Variants in SNTG1 observed in about 807,000 individuals in gnomAD.
SNTG1 encodes syntrophin gamma 1.
In SNTG1, 39 loss-of-function variants were observed where a neutral mutation model predicts 74.7. That is an observed-to-expected ratio of 0.52 (90% CI 0.40 to 0.68). The LOEUF (loss-of-function observed/expected upper bound fraction) is 0.68, where lower values mean the gene tolerates loss of function less well. SNTG1 is among the 30% of genes least tolerant of loss of function. The pLI, the probability that SNTG1 is intolerant of heterozygous loss-of-function variation, is 0.00. For synonymous variants in SNTG1, 254 were observed against 217.1 expected, an observed-to-expected ratio of 1.17 and a Z score of -1.49; for missense variants, 685 against 609.5, an observed-to-expected ratio of 1.12 and a Z score of -1.30.
chr8:50,480,240 A>C (rs189889794), intron 8 of SNTG1, among the ~76,000 whole-genome samples: 30 of 141,348 alleles, frequency 2.1e-4, no homozygotes, highest in African/African-American at 7.2e-4. Flanking sequence ...TGGAGCTTAA[A>C]ATTAGTGATG....
intron 2 of SNTG1, among the ~76,000 whole-genome samples, chr8:50,321,602 T>G (rs2090532776): frequency 6.6e-6 from 1 of 152,094 alleles, no homozygotes; most frequent in African/African-American, 2.4e-5. Context: ...TCTTCCTTCC[T>G]TCTTTCTTTC....
chr8:50,183,972 C>T (rs962502322), intron 2 of SNTG1, among the ~76,000 whole-genome samples: 1 of 152,144 alleles, frequency 6.6e-6, no homozygotes, highest in Non-Finnish European at 1.5e-5. Flanking sequence ...TCCCTTCTTA[C>T]TATGAAGGAA....
chr8:50,241,865 G>A (rs1002213276), intron 2 of SNTG1, among the ~76,000 whole-genome samples: 2 of 152,008 alleles, frequency 1.3e-5, no homozygotes, highest in African/African-American at 4.8e-5. Context: ...GGAAGCAATA[G>A]GGATCCCACT....
Position 50,664,902 on chromosome 8 carries a change from C to G in SNTG1, c.1038+6239C>G, listed in dbSNP as rs576293670. 2.0e-5 allele frequency among the ~76,000 whole-genome samples: 3 copies of G among 152,226 alleles called. No homozygotes were observed. The East Asian group carries it at 5.8e-4, about 29-fold the overall frequency. On this transcript the variant is annotated intron_variant, in intron 15 of 18. Transcript: ENST00000642720. ...TATCATTTGTATAAAAATGTACTCC[C>G]TATCATTTGGCCAGGAAACCCTTAA... is the stretch of plus-strand genomic sequence containing the variant.
chr8:50,285,084 A>G (rs1438327405), intron 2 of SNTG1, among the ~76,000 whole-genome samples: 1 of 152,142 alleles, frequency 6.6e-6, no homozygotes, highest in African/African-American at 2.4e-5. Context: ...GGTATCTAGA[A>G]GATAAAGAAC....
At chr8:50,051,455 C>A (rs1244859334) in intron 1 of SNTG1, among the ~76,000 whole-genome samples, 1 of 152,044 alleles carries the variant, frequency 6.6e-6, no homozygotes, top group East Asian at 1.9e-4. Flanking sequence ...TGAAAAAGTG[C>A]AAACATGTAT....
rs36012475 is a variant in SNTG1, at chr8:50,644,919, CTTTTT to C, written c.850-11977_850-11973del. Reference sequence around the variant, plus strand: ...AAGAAACACTTGCTATGCCCAGGTGCTTTTTTTTTTTTTTTTTCCTACAGATGAGG... The same window carrying C: ...AAGAAACACTTGCTATGCCCAGGTGCTTTTTTTTTTTTCCTACAGATGAGG... On this transcript the variant is annotated intron_variant, in intron 13 of 18. Coordinates refer to ENST00000642720, the MANE Select transcript of SNTG1 (RefSeq NM_018967.5). 7.5e-3 allele frequency among the ~76,000 whole-genome samples: 1,019 copies of C among 135,700 alleles called. 16 individuals are homozygous for C. Among genetic ancestry groups the C allele is most frequent in the African/African-American group, 0.023 (835 of 37,090 alleles). 89.0% of individuals were successfully genotyped at this position (135,700 alleles called of 152,430 possible).
At chr8:49,948,494 T>A (rs2129387423) in intron 1 of SNTG1, among the ~76,000 whole-genome samples, 1 of 152,332 alleles carries the variant, frequency 6.6e-6, no homozygotes, top group East Asian at 1.9e-4. Context: ...CATTTTTTAC[T>A]ATGTAATTTA....
intron 1 of SNTG1, among the ~76,000 whole-genome samples, chr8:50,152,182 A>T (rs2082091433): frequency 6.6e-6 from 1 of 151,894 alleles, no homozygotes; most frequent in East Asian, 1.9e-4. Context: ...GTCTCTTTTG[A>T]TCTTTGTTGG....
intron 17 of SNTG1, among the ~76,000 whole-genome samples, chr8:50,742,745 G>A (rs1022079663): frequency 6.6e-6 from 1 of 151,516 alleles, no homozygotes; most frequent in Non-Finnish European, 1.5e-5. Flanking sequence ...CAAAATTAAA[G>A]GTTGGTTCCT....
intron 2 of SNTG1, among the ~76,000 whole-genome samples, chr8:50,243,835 G>A (rs1446297141): frequency 2.0e-5 from 3 of 152,062 alleles, no homozygotes; most frequent in Non-Finnish European, 4.4e-5. Context: ...ATTGAGGATA[G>A]GAATAACTGA....
At chr8:50,728,124 G>T (rs2095504513) in intron 17 of SNTG1, among the ~76,000 whole-genome samples, 2 of 152,136 alleles carry the variant, frequency 1.3e-5, no homozygotes, top group Admixed American at 1.3e-4. Context: ...GACCCATGTA[G>T]TCTACCTACC....
chr8:49,962,568 C>T (rs1468492578), intron 1 of SNTG1, among the ~76,000 whole-genome samples: 8 of 151,970 alleles, frequency 5.3e-5, no homozygotes, highest in Non-Finnish European at 7.4e-5. Context: ...CAGATAGAGA[C>T]AGTAGATGCA....
rs145829503 is a variant in SNTG1 at position 50,553,259 on chromosome 8, C to G, written c.810+80C>G. 282 of 1,536,112 alleles carry G rather than the reference C, an allele frequency of 1.8e-4. 1 individual carries two copies. The East Asian group carries it at 2.5e-3, about 14-fold the overall frequency. On this transcript the variant is annotated intron_variant, in intron 12 of 18. Coordinates refer to ENST00000642720, the MANE Select transcript of SNTG1 (RefSeq NM_018967.5). ...CTTCAGTATATATGTAACTTCACAT[C>G]AACTGTTTGGTGTTCTTCTCAGAAT...
rs1467025272 is a variant in SNTG1 at position 50,658,672 on chromosome 8, A to G, written c.1038+9A>G. The G allele has an allele frequency of 1.3e-6, 2 of 1,598,382 alleles. No individual in the cohort carries two copies. The highest frequency in any genetic ancestry group is 8.6e-7 in the Non-Finnish European group (1 of 1,168,766). ...TGTGCAAGATCCTCAAGGTATGATC[A>G]ATATGTAGTCAGTATTTGAATGGCT... On this transcript the variant is annotated intron_variant, in intron 15 of 18. Transcript: ENST00000642720.
rs563411983 is a variant in SNTG1, at chr8:50,678,572, G to A, written c.1038+19909G>A. Among the ~76,000 whole-genome samples the A allele has an allele frequency of 3.7e-4, 57 of 152,170 alleles. 1 individual carries two copies. The highest frequency in any genetic ancestry group is 3.4e-3 in the Middle Eastern group (1 of 294). ...AACATATCTACTTGATTTACTAACC[G>A]TAAGTTATACAATTTCATTTTTATT... On this transcript the variant is annotated intron_variant, in intron 15 of 18. Coordinates refer to ENST00000642720, the MANE Select transcript of SNTG1 (RefSeq NM_018967.5).
chr8:50,164,088 A>ATTT (rs1223746862), intron 1 of SNTG1: 5 of 105,062 alleles, frequency 4.8e-5, no homozygotes, highest in East Asian at 2.6e-4. Context: ...GAAAGACACA[A>ATTT]TTTCTTTTTT....
intron 2 of SNTG1, among the ~76,000 whole-genome samples, chr8:50,284,643 C>T (rs2088661409): frequency 6.6e-6 from 1 of 152,110 alleles, no homozygotes; most frequent in South Asian, 2.1e-4. Context: ...TCCAAGGAGT[C>T]ATTGTTCTTT....
chr8:50,634,612 C>T (rs1383974734), intron 13 of SNTG1, among the ~76,000 whole-genome samples: 1 of 152,164 alleles, frequency 6.6e-6, no homozygotes, highest in Admixed American at 6.5e-5. Flanking sequence ...TAATATGATA[C>T]AATATCACAA....
Sources: allele counts gnomAD v4.1 joint callset (sites outside exome capture counted in the v4.1 genomes callset), GRCh38; gene constraint gnomAD v4.1.1; transcripts MANE v1.5; gene names NCBI Gene and HGNC (gene_info 2026-07-23, HGNC 2026-07-21).